MAPK12: variants seen among roughly 807,000 people sequenced by gnomAD.
MAPK12 encodes MAP kinase 12.
Under a neutral mutation model 49.1 loss-of-function variants are expected in MAPK12, and 49 were observed. That is an observed-to-expected ratio of 1.00 (90% CI 0.79 to 1.27). The LOEUF (loss-of-function observed/expected upper bound fraction) is 1.27. Ranked by LOEUF, MAPK12 falls within the 50% of genes most tolerant of loss-of-function variation. The pLI is 0.00. For synonymous variants in MAPK12, 251 were observed against 209.7 expected (o/e 1.20, Z -1.70); for missense variants, 554 against 502.4 (o/e 1.10, Z -0.98).
chr22:50,256,097 AGC>A lies in MAPK12; in HGVS notation c.605_606del (p.Arg202LeufsTer46), dbSNP rs748953593. The A allele has an allele frequency of 1.2e-6, 2 of 1,612,406 alleles. No homozygotes were observed. The highest frequency in any genetic ancestry group is 2.2e-5 in the South Asian group (2 of 91,026). On this transcript the variant is annotated frameshift_variant, in exon 7 of 12. Transcript: ENST00000215659. LOFTEE classifies it high-confidence loss of function. ...RAPEVILNWM[R>X]YTQTVDIWSV... ...GGCAGCTTCTCACCCGTCTGCGTGTAGCGCATCCAATTCAAGATGACCTCGGG... is the reference window on the plus strand; with the variant it reads ...GGCAGCTTCTCACCCGTCTGCGTGTAGCATCCAATTCAAGATGACCTCGGG...
chr22:50,259,684 A>T (rs2065189225), intron 2 of MAPK12, among the ~76,000 whole-genome samples: 1 of 152,066 alleles, frequency 6.6e-6, no homozygotes, highest in Non-Finnish European at 1.5e-5. Context: ...GGGGTTCGAG[A>T]CCAGTCTGCC....
Position 50,261,120 on chromosome 22 carries a change from C to G in MAPK12, c.255+47G>C, listed in dbSNP as rs752193539. The G allele has an allele frequency of 2.6e-5, 40 of 1,513,268 alleles. 1 individual carries two copies. Among genetic ancestry groups the G allele is most frequent in the East Asian group, 1.6e-4 (6 of 37,004 alleles). The allele number at this position is 1,513,268 out of a possible 1,614,324, so 93.7% of individuals were successfully genotyped here. On this transcript the variant is annotated intron_variant, in intron 2 of 11. Coordinates refer to ENST00000215659, the MANE Select transcript of MAPK12 (RefSeq NM_002969.6). ...GTGGGGGAACCCAGCCCAGCTGAACCAAGCCGAGGCCGCGGCGCCTTCCCG... is the reference window on the plus strand; with the variant it reads ...GTGGGGGAACCCAGCCCAGCTGAACGAAGCCGAGGCCGCGGCGCCTTCCCG...
At position 50,255,498 on chromosome 22, in the gene MAPK12, C is replaced by T. The variant is rs140876255; in HGVS notation, c.805G>A (p.Glu269Lys). The change falls in exon 10 of 12, where the codon GAG (glutamate) becomes AAG (lysine). Residue 269 changes from glutamate to lysine, a missense_variant. By Grantham distance (56) the Glu-to-Lys change is moderately conservative. Coordinates refer to ENST00000215659, the MANE Select transcript of MAPK12 (RefSeq NM_002969.6). ...AGGATAGAGGCAAAATCCTTCTTCT[C>T]CAATTCGGGGAGGCCCTTCATGTAG... ...KNYMKGLPEL[E>K]KKDFASILTN... 31 of 1,613,114 alleles carry T rather than the reference C, an allele frequency of 1.9e-5. No homozygotes were observed. Among genetic ancestry groups the T allele is most frequent in the Non-Finnish European group, 2.4e-5 (28 of 1,180,032 alleles).
Position 50,261,092 on chromosome 22 carries a change from C to T in MAPK12, c.255+75G>A, listed in dbSNP as rs534668324. ...GCAGGCTGCCTGGAGGAGGGGTTGC[C>T]GGGTGGGGGAACCCAGCCCAGCTGA... is the stretch of plus-strand genomic sequence containing the variant. On this transcript the variant is annotated intron_variant, in intron 2 of 11. Transcript: ENST00000215659. 3.1e-4 allele frequency: 439 copies of T among 1,415,928 alleles called. 2 individuals carry two copies. The African/African-American group carries it at 5.9e-3, about 19-fold the overall frequency. 87.7% of individuals were successfully genotyped at this position (1,415,928 alleles called of 1,614,324 possible).
rs759840185 is a variant in MAPK12, at chr22:50,253,413, C to G, written c.1092G>C (p.Glu364Asp). The change falls in exon 12 of 12, where the codon GAG becomes GAC. Residue 364 changes from glutamate to aspartate, a missense_variant. Glu to Asp is a conservative substitution (Grantham distance 45, BLOSUM62 2). Coordinates refer to ENST00000215659, the MANE Select transcript of MAPK12 (RefSeq NM_002969.6). The part of the protein sequence containing the change: ...PRQLGARVSK[E>D]TPL ...AGCCCAGAGATCTTCACAGAGGCGT[C>G]TCCTTGGAGACCCTGGCCCCCAGCT... The G allele has an allele frequency of 1.3e-6, 2 of 1,547,506 alleles. No homozygotes were observed. Among genetic ancestry groups the G allele is most frequent in the East Asian group, 4.9e-5 (2 of 40,990 alleles).
At chr22:50,257,631 G>A (rs528128277) in intron 3 of MAPK12, 34 of 574,218 alleles carry the variant, frequency 5.9e-5, no homozygotes, top group Admixed American at 5.2e-4. Flanking sequence ...CGATGGGGGC[G>A]CGGCAAGGCA....
intron 5 of MAPK12, 43 bp downstream of exon 5, chr22:50,256,892 C>T (rs912413824): frequency 7.5e-6 from 12 of 1,596,576 alleles, no homozygotes; most frequent in Non-Finnish European, 1.0e-5. Context: ...GGGGGGATTG[C>T]ACTGGGGGAG....
rs2065143341 is a variant in MAPK12 at position 50,255,748 on chromosome 22, C to A, written c.692-54G>T. On this transcript the variant is annotated intron_variant, in intron 8 of 11. Coordinates refer to ENST00000215659, the MANE Select transcript of MAPK12 (RefSeq NM_002969.6). The stretch of plus-strand genomic sequence containing the variant: ...GGGCCAGAGATCAGGGCCCCCACTG[C>A]CCCCACCTGGGCAGGAGCCATCCCC... 1.9e-6 allele frequency: 3 copies of A among 1,609,738 alleles called. No individual in the cohort carries two copies. The Admixed American group carries it at 5.0e-5, about 27-fold the overall frequency.
intron 6 of MAPK12, 137 bp from the exon 7 acceptor site, chr22:50,256,336 G>A (rs2065150251): frequency 4.0e-6 from 3 of 751,996 alleles, no homozygotes; most frequent in Non-Finnish European, 6.5e-6. Context: ...AGGACTTGAG[G>A]CCACGCCCTC....
chr22:50,253,502 G>GGGGGGGGGGGGGGGGGGGGA, intron 11 of MAPK12, 22 bp from the exon 12 acceptor site: 2 of 171,684 alleles, frequency 1.2e-5, no homozygotes, highest in South Asian at 4.5e-5. Flanking sequence ...GGGGGGGCGG[G>GGGGGGGGGGGGGGGGGGGGA]CACAACAGAG....
At chr22:50,257,313 C>T (rs2065161027) in intron 3 of MAPK12, 120 bp from the exon 4 acceptor site, 1 of 716,194 alleles carries the variant, frequency 1.4e-6, no homozygotes, top group Admixed American at 2.0e-5. Context: ...AGGAAGGTCA[C>T]CCCTGCAGCA....
chr22:50,260,452 A>T (rs1275556124), intron 2 of MAPK12, among the ~76,000 whole-genome samples: 1 of 151,672 alleles, frequency 6.6e-6, no homozygotes, highest in Non-Finnish European at 1.5e-5. Flanking sequence ...AAACCAGAGC[A>T]CCCCTGGCAG....
intron 3 of MAPK12, chr22:50,257,875 C>CGCTGG: frequency 2.6e-6 from 2 of 762,924 alleles, no homozygotes; most frequent in South Asian, 2.8e-5. Flanking sequence ...CTCCCCCACC[C>CGCTGG]GCTGGAAAAG....
In MAPK12 at chr22:50,255,909, T is replaced by G. The variant is rs541778501; in HGVS notation, c.620-28A>C. 1.1e-5 allele frequency: 17 copies of G among 1,605,516 alleles called. No individual in the cohort carries two copies. The African/African-American group carries it at 2.3e-4, about 21-fold the overall frequency. On this transcript the variant is annotated intron_variant, in intron 7 of 11. Transcript: ENST00000215659. ...GAGATAGAAGCCCTGGTCAGCTCCGTGGGCAGGGGGACAGGATGAGACGGG... is the reference window on the plus strand; with the variant it reads ...GAGATAGAAGCCCTGGTCAGCTCCGGGGGCAGGGGGACAGGATGAGACGGG...
intron 6 of MAPK12, 48 bp from the exon 7 acceptor site, chr22:50,256,247 G>A (rs200968618): frequency 1.4e-5 from 21 of 1,448,624 alleles, no homozygotes; most frequent in Middle Eastern, 3.6e-4. Context: ...CCCAAGGAGC[G>A]GACAGGCCAC....
intron 11 of MAPK12, chr22:50,254,536 C>G (rs1279156021): frequency 7.2e-6 from 4 of 556,596 alleles, no homozygotes; most frequent in Non-Finnish European, 9.1e-6. Flanking sequence ...CCTGTAGTCC[C>G]GGCTACTCGG....
intron 2 of MAPK12, 136 bp from the exon 3 acceptor site, chr22:50,258,437 C>T (rs1432753766): frequency 1.3e-6 from 1 of 767,848 alleles, no homozygotes; most frequent in African/African-American, 1.7e-5. Flanking sequence ...AAGGGCCTGG[C>T]TCTGCCCACT....
rs368846069 is a variant in MAPK12, at chr22:50,255,608, C to T, written c.771+7G>A. ...CACCCCCACCCAGCTCCCCACTCAC[C>T]CCTTACCTCATCGCTCTGCAGCCGC... On this transcript the variant is annotated splice_region_variant and intron_variant, in intron 9 of 11. Coordinates refer to ENST00000215659, the MANE Select transcript of MAPK12 (RefSeq NM_002969.6). The T allele has an allele frequency of 5.0e-6, 8 of 1,612,344 alleles. No homozygotes were observed. The highest frequency in any genetic ancestry group is 5.9e-6 in the Non-Finnish European group (7 of 1,179,852).
rs377128484 is a variant in MAPK12 at position 50,255,449 on chromosome 22, G to T, written c.850+4C>A. On this transcript the variant is annotated splice_donor_region_variant and intron_variant, in intron 10 of 11. Coordinates refer to ENST00000215659, the MANE Select transcript of MAPK12 (RefSeq NM_002969.6). ...CCGGTGGCCCCCACACTAGCCAGCC[G>T]TACCCAGAGGGCTTGCATTGGTCAG... The T allele has an allele frequency of 6.2e-7, 1 of 1,613,004 alleles. No individual in the cohort carries two copies. The highest frequency in any genetic ancestry group is 1.7e-5 in the Admixed American group (1 of 60,012).
Sources: allele counts gnomAD v4.1 joint callset (sites outside exome capture counted in the v4.1 genomes callset), GRCh38; gene constraint gnomAD v4.1.1; transcripts MANE v1.5; gene names NCBI Gene and HGNC (gene_info 2026-07-23, HGNC 2026-07-21).